Variants in PRICKLE3 observed in about 807,000 individuals in gnomAD.
PRICKLE3 encodes the protein prickle planar cell polarity protein 3, also known as LIM domain only protein 6.
Under a neutral mutation model 33.8 loss-of-function variants are expected in PRICKLE3, and 17 were observed. The observed-to-expected ratio is 0.50, with a 90% CI of 0.34 to 0.75. The LOEUF (loss-of-function observed/expected upper bound fraction) is 0.75, where lower values mean the gene tolerates loss of function less well. Among genes scored for constraint, PRICKLE3 ranks in the 30% least tolerant of loss-of-function variants. The pLI is 0.01. For synonymous variants in PRICKLE3, 211 were observed against 219.6 expected (o/e 0.96, Z 0.34); for missense variants, 573 against 576.7 (o/e 0.99, Z 0.07).
intron 8 of PRICKLE3, 33 bp downstream of exon 8, chrX:49,176,870 C>CTGTGGCTGGG (rs1557100113): frequency 3.5e-6 from 4 of 1,158,840 alleles, no homozygotes; most frequent in Middle Eastern, 2.7e-4. Context: ...GGTGACTGGG[C>CTGTGGCTGGG]TGTGGCTGGG....
At position 49,175,594 on chromosome X, in the gene PRICKLE3, C is replaced by T. The variant is rs2065410102; in HGVS notation, c.*79G>A. The T allele has an allele frequency of 7.2e-6, 6 of 831,814 alleles. No individual in the cohort carries two copies. The highest frequency in any genetic ancestry group is 4.4e-4 in the Middle Eastern group (1 of 2,286). 68.6% of individuals were successfully genotyped at this position (831,814 alleles called of 1,213,427 possible). On this transcript the variant is annotated 3_prime_UTR_variant, in exon 9 of 9. Coordinates refer to ENST00000599218, the MANE Select transcript of PRICKLE3 (RefSeq NM_006150.5). ...GGATTTATGACTTAGGTTGTAGGGG[C>T]GGGGCGTGGGGGTGAGGGGCATGGG...
chrX:49,184,980 G>A (rs1392576071), intron 1 of PRICKLE3: 4 of 917,609 alleles, frequency 4.4e-6, no homozygotes, highest in Non-Finnish European at 5.7e-6. Flanking sequence ...CTCCCCGTCC[G>A]CCCCTAGCCT....
chrX:49,176,084 A>G lies in PRICKLE3; in HGVS notation c.1437T>C (p.Pro479=). 1 of 1,207,128 alleles carries G rather than the reference A, an allele frequency of 8.3e-7. No individual in the cohort carries two copies. Among genetic ancestry groups the G allele is most frequent in the African/African-American group, 1.7e-5 (1 of 57,553 alleles). The change falls in exon 9 of 9, where the codon CCT becomes CCC. Residue 479 remains proline, a synonymous_variant. Transcript: ENST00000599218. The part of the protein sequence containing the change: ...QSTPRVSFRD[P]LVSEGGPRRT... ...GGCGCGGGCCTCCTTCAGACACCAG[A>G]GGGTCGCGGAAGCTGACGCGTGGGG... is the stretch of plus-strand genomic sequence containing the variant.
In PRICKLE3 at chrX:49,176,194, G is replaced by C; in HGVS notation, c.1327C>G (p.Leu443Val). The C allele has an allele frequency of 1.1e-5, 13 of 1,174,863 alleles. No homozygotes were observed. The highest frequency in any genetic ancestry group is 1.5e-5 in the Non-Finnish European group (13 of 876,734). ...PHRHSMPELG[L>V]RSVPEPPPES... Reference sequence around the variant, plus strand: ...GGGGGCGGCTCGGGGACACTGCGGAGCCCCAGTTCCGGCATGGAGTGGCGG... The same window carrying C: ...GGGGGCGGCTCGGGGACACTGCGGACCCCCAGTTCCGGCATGGAGTGGCGG... Residue 443 changes from leucine to valine, a missense_variant, in exon 9 of 9, where the codon CTC becomes GTC. By Grantham distance (32) the Leu-to-Val change is conservative. Transcript: ENST00000599218.
At chrX:49,176,735 G>T (rs1302569650) in intron 8 of PRICKLE3, among the ~76,000 whole-genome samples, 168 bp downstream of exon 8, 1 of 109,316 alleles carries the variant, frequency 9.1e-6, no homozygotes, top group African/African-American at 3.3e-5. Flanking sequence ...TGGAAACCAG[G>T]CCTGGACTGG....
rs1477694373 is a variant in PRICKLE3, at chrX:49,181,378, ATG to A, written c.313-1574_313-1573del. 8.2e-3 allele frequency among the ~76,000 whole-genome samples: 725 copies of A among 88,662 alleles called. 13 individuals are homozygous for A. Among genetic ancestry groups the A allele is most frequent in the African/African-American group, 0.032 (692 of 21,928 alleles). The allele number at this position is 88,662 out of a possible 115,157, so 77.0% of individuals were successfully genotyped here. ...GTGAGACCCCCCCCCATATATATAT[ATG>A]TGTGTGTGTATATATATATATATAT... On this transcript the variant is annotated intron_variant, in intron 3 of 8. Transcript: ENST00000599218.
chrX:49,181,237 G>A (rs2065447315), intron 3 of PRICKLE3, among the ~76,000 whole-genome samples: 1 of 106,679 alleles, frequency 9.4e-6, no homozygotes, highest in South Asian at 4.2e-4. Context: ...GCGTGATGAT[G>A]CGTGCCTGTA....
chrX:49,175,739 C>A lies in PRICKLE3; in HGVS notation c.1782G>T (p.Ser594=). ...AMETFNSPSL[S]LPRDSRAGMP... is the part of the protein sequence containing the mutation. ...TCCCTGCGCGAGAGTCCCTGGGGAG[C>A]GATAAAGATGGGGAGTTGAAGGTCT... The change falls in exon 9 of 9, where the codon TCG becomes TCT. Residue 594 remains serine, a synonymous_variant. Transcript: ENST00000599218. The A allele has an allele frequency of 8.3e-7, 1 of 1,211,241 alleles. No individual in the cohort carries two copies. Among genetic ancestry groups the A allele is most frequent in the Non-Finnish European group, 1.1e-6 (1 of 895,364 alleles).
intron 5 of PRICKLE3, 149 bp downstream of exon 5, chrX:49,179,102 C>T (rs1418175408): frequency 3.9e-6 from 3 of 765,965 alleles, no homozygotes; most frequent in Non-Finnish European, 5.5e-6. Context: ...ATGTGAGGAA[C>T]AGACCCCGCC....
chrX:49,176,300 T>A (rs782097833), intron 8 of PRICKLE3, 35 bp from the exon 9 acceptor site: 1 of 1,044,821 alleles, frequency 9.6e-7, no homozygotes, highest in African/African-American at 1.9e-5. Context: ...TCCTTGTATC[T>A]GCCCTCCCAC....
intron 3 of PRICKLE3, among the ~76,000 whole-genome samples, chrX:49,182,441 T>C (rs781807292): frequency 1.8e-5 from 2 of 112,005 alleles, no homozygotes; most frequent in Non-Finnish European, 3.8e-5. Flanking sequence ...CTGCCACATC[T>C]CTGACCTCAT....
At chrX:49,178,575 A>G (rs1719463720) in intron 5 of PRICKLE3, 100 bp from the exon 6 acceptor site, 1 of 875,947 alleles carries the variant, frequency 1.1e-6, no homozygotes, top group African/African-American at 2.0e-5. Flanking sequence ...CCTTTCCCAC[A>G]GTGAAACTTT....
chrX:49,184,560 C>T (rs2065473303), intron 2 of PRICKLE3, 65 bp downstream of exon 2: 1 of 991,028 alleles, frequency 1.0e-6, no homozygotes, highest in East Asian at 3.6e-5. Flanking sequence ...TGGCGTAAGG[C>T]TCCTGGATTT....
chrX:49,176,315 C>T, intron 8 of PRICKLE3, 50 bp from the exon 9 acceptor site: 4 of 995,596 alleles, frequency 4.0e-6, no homozygotes, highest in Non-Finnish European at 5.4e-6. Flanking sequence ...TCCCACTGGC[C>T]CCCTCCTAAG....
In PRICKLE3 at chrX:49,178,070, C is replaced by T. The variant is rs1405910172; in HGVS notation, c.878G>A (p.Arg293His). Residue 293 changes from arginine (R) to histidine (H), a missense_variant, in exon 7 of 9, where the codon CGT (arginine) becomes CAT (histidine). By Grantham distance (29) the Arg-to-His change is conservative. Transcript: ENST00000599218. ...ASLGGQRYVM[R>H]QSRPHCCACY... ...GGCGCAGCAGTGGGGGCGGCTCTGA[C>T]GCATGACATAGCGCTGCCCTCCTAG... 5.1e-6 allele frequency: 6 copies of T among 1,170,393 alleles called. No individual in the cohort carries two copies. The highest frequency in any genetic ancestry group is 3.5e-5 in the African/African-American group (2 of 56,457).
rs976344913 is a variant in PRICKLE3, at chrX:49,178,475, A to G, written c.565T>C (p.Cys189Arg). ...TCCCCACCTCCAATCTGCTTTCCGC[A>G]CTGCCATGAGACAAGCACCAAGATG... ...VTITGAICEE[C>R]GKQIGGGDIA... is the part of the protein sequence containing the mutation. Residue 189 changes from cysteine to arginine, a missense_variant and splice_region_variant, in exon 6 of 9, where the codon TGC (cysteine) becomes CGC (arginine). Cys to Arg is a radical substitution (Grantham distance 180). Transcript: ENST00000599218. The G allele has an allele frequency of 1.7e-6, 2 of 1,206,091 alleles. No individual in the cohort carries two copies. Among genetic ancestry groups the G allele is most frequent in the Non-Finnish European group, 2.2e-6 (2 of 891,349 alleles).
At position 49,175,739 on chromosome X, in the gene PRICKLE3, C is replaced by T. The variant is rs199610034; in HGVS notation, c.1782G>A (p.Ser594=). The T allele has an allele frequency of 4.1e-6, 5 of 1,209,586 alleles. No homozygotes were observed. Among genetic ancestry groups the T allele is most frequent in the African/African-American group, 3.5e-5 (2 of 57,044 alleles). ...AMETFNSPSL[S]LPRDSRAGMP... ...TCCCTGCGCGAGAGTCCCTGGGGAG[C>T]GATAAAGATGGGGAGTTGAAGGTCT... The change falls in exon 9 of 9, where the codon TCG becomes TCA. Residue 594 remains serine (S), a synonymous_variant. Transcript: ENST00000599218.
chrX:49,183,745 T>G lies in PRICKLE3; in HGVS notation c.301A>C (p.Lys101Gln), dbSNP rs782181457. 6.6e-6 allele frequency: 8 copies of G among 1,209,709 alleles called. No individual in the cohort carries two copies. In the East Asian group the frequency reaches 2.4e-4, roughly 36 times the overall value. ...TGGCCTCTGGTCACCTGCTCCGGCT[T>G]AAGGCCTGGGGGCACCCAGGCATAC... ...EEYAWVPPGL[K>Q]PEQVYQFFSC... Residue 101 changes from lysine (K) to glutamine (Q), a missense_variant, in exon 3 of 9, where the codon AAG becomes CAG. Coordinates refer to ENST00000599218, the MANE Select transcript of PRICKLE3 (RefSeq NM_006150.5).
In PRICKLE3 at chrX:49,183,577, C is replaced by T. The variant is rs1265576429; in HGVS notation, c.312+157G>A. The T allele has an allele frequency of 5.4e-6, 6 of 1,105,756 alleles. No individual in the cohort carries two copies. In the African/African-American group the frequency reaches 1.1e-4, roughly 20 times the overall value. The allele number at this position is 1,105,756 out of a possible 1,213,427, so 91.1% of individuals were successfully genotyped here. A position where few individuals can be genotyped will look rare whatever the true frequency, so the allele number is the denominator to read the frequency against. On this transcript the variant is annotated intron_variant, in intron 3 of 8. Transcript: ENST00000599218. ...GTCACCCAAGGTATGGGGGGCTGACCACTCTTCCATCACAGAGGGGCCAGA... is the reference window on the plus strand; with the variant it reads ...GTCACCCAAGGTATGGGGGGCTGACTACTCTTCCATCACAGAGGGGCCAGA...
Sources: gnomAD v4.1 joint callset for allele counts (sites outside exome capture counted in the v4.1 genomes callset) on GRCh38, gnomAD v4.1.1 for gene constraint, MANE v1.5 for transcripts, NCBI Gene and HGNC (gene_info 2026-07-23, HGNC 2026-07-21) for gene names.